AHCY: variants seen among roughly 807,000 people sequenced by gnomAD.
AHCY encodes the protein S-adenosyl-L-homocysteine hydrolase.
A neutral mutation model predicts 45.4 loss-of-function variants in AHCY; 24 were observed. That is an observed-to-expected ratio of 0.53 (90% CI 0.38 to 0.74). The LOEUF is 0.74. Among genes scored for constraint, AHCY ranks in the 30% least tolerant of loss-of-function variants. The probability of loss-of-function intolerance (pLI) is 0.00; values close to 1 mark genes in which losing one functional copy is unlikely to be tolerated. For synonymous variants in AHCY, 245 were observed against 235.1 expected (o/e 1.04, Z -0.39); for missense variants, 449 against 594.1 (o/e 0.76, Z 2.54).
chr20:34,273,803 G>T, the AHCY span, among the ~76,000 whole-genome samples: 6 of 152,140 alleles, frequency 3.9e-5, no homozygotes, highest in African/African-American at 1.4e-4. Context: ...GCGGGTATTG[G>T]GTTCAGGAAG....
intron 3 of AHCY, chr20:34,293,560 AC>A (rs2036472929): frequency 3.9e-6 from 1 of 256,718 alleles, no homozygotes; most frequent in Non-Finnish European, 7.6e-6. Context: ...GTGCTGTGCC[AC>A]CCCCTCCTGT....
At chr20:34,236,792 G>T in the AHCY span, among the ~76,000 whole-genome samples, 3 of 152,310 alleles carry the variant, frequency 2.0e-5, no homozygotes, top group Admixed American at 6.5e-5. Flanking sequence ...TAAGGTGATT[G>T]TATTTGCCTG....
At chr20:34,246,073 C>G in the AHCY span, 1 of 881,544 alleles carries the variant, frequency 1.1e-6, no homozygotes, top group Non-Finnish European at 1.9e-6. Flanking sequence ...CTCCCCATTA[C>G]TGAGGCAGCA....
the AHCY span, among the ~76,000 whole-genome samples, chr20:34,262,553 C>T: frequency 5.9e-5 from 9 of 152,298 alleles, no homozygotes; most frequent in African/African-American, 2.2e-4. Context: ...GGTCGAGGGA[C>T]CAGGCCCCAC....
intron 8 of AHCY, among the ~76,000 whole-genome samples, chr20:34,288,526 G>A (rs1224162575): frequency 2.6e-5 from 4 of 152,110 alleles, no homozygotes; most frequent in South Asian, 4.1e-4. Context: ...AGTTAGCCAG[G>A]TGTAGTAGTG....
Position 34,280,691 on chromosome 20 carries a change from G to GA in AHCY, c.*342dup. On this transcript the variant is annotated 3_prime_UTR_variant, in exon 10 of 10. Coordinates refer to ENST00000217426, the MANE Select transcript of AHCY (RefSeq NM_000687.4). Reference sequence around the variant, plus strand: ...ACAGGTATAAGTCCACAGACCAGGTGAAGGCCTAGATGGCAAAACACATGG... The same window carrying GA: ...ACAGGTATAAGTCCACAGACCAGGTGAAAGGCCTAGATGGCAAAACACATGG... The GA allele has an allele frequency of 7.9e-6, 3 of 378,980 alleles. No homozygotes were observed. In the East Asian group the frequency reaches 1.9e-4, roughly 24 times the overall value. The allele number at this position is 378,980 out of a possible 1,614,324, so 23.5% of individuals were successfully genotyped here.
chr20:34,236,991 C>T, the AHCY span, among the ~76,000 whole-genome samples: 1 of 152,104 alleles, frequency 6.6e-6, no homozygotes, highest in Non-Finnish European at 1.5e-5. Context: ...ATGGCCTTGA[C>T]ACCTTTGTCA....
rs1450713730 is a variant in AHCY at position 34,292,490 on chromosome 20, C to T, written c.313G>A (p.Glu105Lys). 5.6e-6 allele frequency: 9 copies of T among 1,613,998 alleles called. No homozygotes were observed. The highest frequency in any genetic ancestry group is 1.3e-5 in the African/African-American group (1 of 74,948). The change falls in exon 4 of 10, where the codon GAA (glutamate) becomes AAA (lysine). Residue 105 changes from glutamate to lysine, a missense_variant. By Grantham distance (56) the Glu-to-Lys change is moderately conservative. Transcript: ENST00000217426. The stretch of plus-strand genomic sequence containing the variant: ...CACCACAGGTACTCCTCGTCCGTTT[C>T]GCCCTTCCAGGCATACACTGGAGGG... Reference protein sequence around the residue: ...AGIPVYAWKGETDEEYLWCIE... With the variant: ...AGIPVYAWKGKTDEEYLWCIE...
intron 1 of AHCY, among the ~76,000 whole-genome samples, chr20:34,300,002 T>A (rs541826135): frequency 1.4e-4 from 22 of 152,214 alleles, no homozygotes; most frequent in Non-Finnish European, 8.8e-5. Flanking sequence ...CTGGCCAACA[T>A]GGTGAAATCC....
the AHCY span, chr20:34,260,600 A>C: frequency 1.3e-6 from 2 of 1,498,660 alleles, no homozygotes; most frequent in Non-Finnish European, 1.8e-6. Context: ...CATGCTTCCC[A>C]GGGTGCTACC....
the AHCY span, among the ~76,000 whole-genome samples, chr20:34,248,682 C>T: frequency 6.6e-6 from 1 of 151,920 alleles, no homozygotes; most frequent in South Asian, 2.1e-4. Context: ...CACCTGTAGT[C>T]TCAGCTCCTT....
chr20:34,308,021 C>T (rs989088630), upstream of AHCY, among the ~76,000 whole-genome samples: 1 of 152,078 alleles, frequency 6.6e-6, no homozygotes, highest in Non-Finnish European at 1.5e-5. Context: ...CATTATTTAG[C>T]TTCCACTTAT....
chr20:34,233,851 A>G, the AHCY span, among the ~76,000 whole-genome samples: 2 of 152,224 alleles, frequency 1.3e-5, no homozygotes, highest in Admixed American at 6.5e-5. Flanking sequence ...CAGGAATGAG[A>G]TACCAGTGGA....
the AHCY span, among the ~76,000 whole-genome samples, chr20:34,233,012 T>C: frequency 6.6e-6 from 1 of 152,190 alleles, no homozygotes. Context: ...ACTGGGATCG[T>C]TGTTCTCCTT....
chr20:34,235,866 A>AAGGAAGGAAGGAAGGG, the AHCY span, among the ~76,000 whole-genome samples: 2 of 36,864 alleles, frequency 5.4e-5, no homozygotes, highest in African/African-American at 2.9e-4. Context: ...GGAAGGAAGG[A>AAGGAAGGAAGGAAGGG]AAGGAAGGAA....
intron 9 of AHCY, among the ~76,000 whole-genome samples, chr20:34,283,271 C>A (rs540482422): frequency 6.6e-6 from 1 of 152,282 alleles, no homozygotes; most frequent in South Asian, 2.1e-4. Context: ...AGGTTCTATT[C>A]CTGGCCTGAT....
intron 3 of AHCY, 151 bp from the exon 4 acceptor site, chr20:34,292,658 A>T (rs1369161960): frequency 2.6e-6 from 3 of 1,140,228 alleles, no homozygotes; most frequent in African/African-American, 3.0e-5. Flanking sequence ...TCAGGACACA[A>T]CTTGGAGCCA....
At chr20:34,283,942 C>G (rs999670857) in intron 9 of AHCY, among the ~76,000 whole-genome samples, 1 of 152,198 alleles carries the variant, frequency 6.6e-6, no homozygotes, top group Non-Finnish European at 1.5e-5. Flanking sequence ...CTACTCTTAC[C>G]ATTTAGCTCA....
chr20:34,259,979 TG>T, the AHCY span, among the ~76,000 whole-genome samples: 1 of 152,026 alleles, frequency 6.6e-6, no homozygotes, highest in East Asian at 1.9e-4. Flanking sequence ...ATAAAATCTC[TG>T]CTACTGTGAG....
Sources: allele counts gnomAD v4.1 joint callset (sites outside exome capture counted in the v4.1 genomes callset), GRCh38; gene constraint gnomAD v4.1.1; transcripts MANE v1.5; gene names NCBI Gene and HGNC (gene_info 2026-07-23, HGNC 2026-07-21).